The following RELN variants were observed in gnomAD, a reference collection of about 807,000 sequenced individuals.
The protein encoded by RELN is reelin.
Under a neutral mutation model 427.6 loss-of-function variants are expected in RELN, and 108 were observed. The observed-to-expected ratio is 0.25, with a 90% CI of 0.22 to 0.30. The LOEUF is 0.30. Ranked by LOEUF, RELN falls within the 10% of genes least tolerant of loss-of-function variation. The pLI, the probability that RELN is intolerant of heterozygous loss-of-function variation, is 1.00. For missense variants in RELN, 3,715 were observed against 4,302.8 expected, an observed-to-expected ratio of 0.86 and a Z score of 3.82; for synonymous variants, 1,524 against 1,513.4, an observed-to-expected ratio of 1.01 and a Z score of -0.16.
intron 8 of RELN, among the ~76,000 whole-genome samples, chr7:103,716,318 C>T (rs896973583): frequency 3.3e-5 from 5 of 152,152 alleles, no homozygotes; most frequent in African/African-American, 9.7e-5. Flanking sequence ...TCTTCTCCCA[C>T]GTGGACTCTC....
chr7:103,744,264 G>A (rs1790754397), intron 6 of RELN, among the ~76,000 whole-genome samples: 1 of 152,144 alleles, frequency 6.6e-6, no homozygotes, highest in South Asian at 2.1e-4. Flanking sequence ...ATTCAAAGCA[G>A]TGTGTAGATG....
At chr7:103,698,129 C>A in intron 9 of RELN, 36 bp from the exon 10 acceptor site, 1 of 1,612,688 alleles carries the variant, frequency 6.2e-7, no homozygotes, top group Non-Finnish European at 8.5e-7. Context: ...TTTAGCAATG[C>A]TGACTTTTTC....
intron 11 of RELN, among the ~76,000 whole-genome samples, chr7:103,671,026 T>C (rs1039744276): frequency 2.6e-5 from 4 of 152,078 alleles, no homozygotes; most frequent in African/African-American, 9.7e-5. Flanking sequence ...TTCTCTGAGG[T>C]TGAAAAAGTT....
Position 103,580,081 on chromosome 7 carries a change from A to G in RELN, c.4146-4376T>C, listed in dbSNP as rs146279360. Among the ~76,000 whole-genome samples, 992 of 152,366 alleles carry G rather than the reference A, an allele frequency of 6.5e-3. 4 individuals carry two copies. The highest frequency in any genetic ancestry group is 0.017 in the Middle Eastern group (5 of 294). ...GAGCCCGGTGAATTAATATGAGCACAAATGGCTCCTTTGAGAAAATCAGCT... is the reference window on the plus strand; with the variant it reads ...GAGCCCGGTGAATTAATATGAGCACGAATGGCTCCTTTGAGAAAATCAGCT... On this transcript the variant is annotated intron_variant, in intron 28 of 64. Transcript: ENST00000428762.
intron 1 of RELN, among the ~76,000 whole-genome samples, chr7:103,918,051 G>C (rs569438589): frequency 2.9e-4 from 44 of 152,082 alleles, no homozygotes; most frequent in South Asian, 8.3e-4. Context: ...CATCCTTGGT[G>C]GCAATAAGGA....
chr7:103,765,733 G>A (rs893184898), intron 4 of RELN, among the ~76,000 whole-genome samples: 4 of 152,144 alleles, frequency 2.6e-5, no homozygotes, highest in African/African-American at 4.8e-5. Context: ...TTATATAGCA[G>A]CATGTGTAGA....
intron 50 of RELN, among the ~76,000 whole-genome samples, chr7:103,511,277 AAATC>A (rs1312569650): frequency 6.6e-6 from 1 of 152,210 alleles, no homozygotes; most frequent in Non-Finnish European, 1.5e-5. Context: ...TTGTAAATGA[AAATC>A]AAAAGGAAAT....
chr7:103,646,525 A>T (rs964502818), intron 16 of RELN, among the ~76,000 whole-genome samples: 17 of 151,980 alleles, frequency 1.1e-4, no homozygotes, highest in African/African-American at 4.1e-4. Context: ...ACCTAGAGAA[A>T]ATGGATGCAT....
intron 1 of RELN, among the ~76,000 whole-genome samples, chr7:103,960,668 T>G (rs115851771): frequency 0.014 from 2,089 of 152,246 alleles, 53 homozygotes; most frequent in African/African-American, 0.049. Flanking sequence ...GAAAAAAAAT[T>G]GTTTATATTA....
chr7:103,852,964 T>A (rs915730891), intron 2 of RELN, among the ~76,000 whole-genome samples: 1 of 152,052 alleles, frequency 6.6e-6, no homozygotes, highest in Non-Finnish European at 1.5e-5. Context: ...AAGAATTATT[T>A]TTCACATGAT....
intron 4 of RELN, among the ~76,000 whole-genome samples, chr7:103,772,189 T>C (rs1179793142): frequency 1.3e-5 from 2 of 152,206 alleles, no homozygotes; most frequent in Non-Finnish European, 2.9e-5. Context: ...GCACCACATA[T>C]TGTGAGAAGC....
In RELN at chr7:103,624,934, C is replaced by T. The variant is rs185523108; in HGVS notation, c.2702+5006G>A. Among the ~76,000 whole-genome samples, 185 of 152,148 alleles carry T rather than the reference C, an allele frequency of 1.2e-3. 4 individuals carry two copies. Among genetic ancestry groups the T allele is most frequent in the Admixed American group, 2.1e-3 (32 of 15,282 alleles). On this transcript the variant is annotated intron_variant, in intron 20 of 64. Transcript: ENST00000428762. Reference sequence around the variant, plus strand: ...GAATGAGTACCTTCTGTCTTTTATGCCCATGAAAGTACCCAAGAGGCCCTT... The same window carrying T: ...GAATGAGTACCTTCTGTCTTTTATGTCCATGAAAGTACCCAAGAGGCCCTT...
intron 8 of RELN, among the ~76,000 whole-genome samples, chr7:103,720,122 C>T (rs1562970742): frequency 1.3e-5 from 2 of 151,380 alleles, no homozygotes; most frequent in Non-Finnish European, 2.9e-5. Flanking sequence ...ATCAGATACA[C>T]ACATGTATGT....
chr7:103,654,023 G>A (rs1343141618), intron 13 of RELN, 70 bp downstream of exon 13: 1 of 863,394 alleles, frequency 1.2e-6, no homozygotes, highest in Non-Finnish European at 2.0e-6. Flanking sequence ...AGTGGTCTTT[G>A]TGGTTTTGAC....
At chr7:103,708,546 A>C (rs112524637) in intron 8 of RELN, among the ~76,000 whole-genome samples, 14,456 of 145,372 alleles carry the variant, frequency 0.099, 1,681 homozygotes, top group African/African-American at 0.3. Context: ...TCACTGCAAG[A>C]TCCGCCTCCC....
chr7:103,911,997 A>G (rs1290183945), intron 2 of RELN, among the ~76,000 whole-genome samples: 1 of 151,950 alleles, frequency 6.6e-6, no homozygotes, highest in Non-Finnish European at 1.5e-5. Context: ...TAAAACTTAA[A>G]GTATAATTAA....
chr7:103,809,275 A>C (rs929485549), intron 3 of RELN, among the ~76,000 whole-genome samples: 1 of 152,120 alleles, frequency 6.6e-6, no homozygotes, highest in African/African-American at 2.4e-5. Context: ...CTGTTGACTC[A>C]GTGAGGTACT....
intron 1 of RELN, among the ~76,000 whole-genome samples, chr7:103,944,500 C>T (rs894171962): frequency 4.6e-5 from 7 of 152,124 alleles, no homozygotes; most frequent in South Asian, 2.1e-4. Flanking sequence ...CATTGGATTA[C>T]GTCAGGACCA....
intron 64 of RELN, among the ~76,000 whole-genome samples, chr7:103,474,053 A>G (rs1827947260): frequency 6.6e-6 from 1 of 152,190 alleles, no homozygotes; most frequent in Non-Finnish European, 1.5e-5. Context: ...CTGCATTATC[A>G]ATCATCAATA....
Sources: allele counts gnomAD v4.1 joint callset (sites outside exome capture counted in the v4.1 genomes callset), GRCh38; gene constraint gnomAD v4.1.1; transcripts MANE v1.5; gene names NCBI Gene and HGNC (gene_info 2026-07-23, HGNC 2026-07-21).